Variants in SLC1A6 observed in about 807,000 individuals in gnomAD.
SLC1A6 encodes excitatory amino acid transporter 4.
A neutral mutation model predicts 42.1 loss-of-function variants in SLC1A6; 15 were observed. That is an observed-to-expected ratio of 0.36 (90% CI 0.24 to 0.55). The LOEUF (loss-of-function observed/expected upper bound fraction) is 0.55, where lower values mean the gene tolerates loss of function less well. Among genes scored for constraint, SLC1A6 ranks in the 20% least tolerant of loss-of-function variants. The pLI, the probability that SLC1A6 is intolerant of heterozygous loss-of-function variation, is 0.88. For missense variants in SLC1A6, 542 were observed against 772.5 expected, an observed-to-expected ratio of 0.70 and a Z score of 3.54; for synonymous variants, 317 against 319.7, an observed-to-expected ratio of 0.99 and a Z score of 0.09.
At chr19:15,004,592 C>A (rs963641478) in intron 1 of SLC1A6, among the ~76,000 whole-genome samples, 2 of 149,866 alleles carry the variant, frequency 1.3e-5, no homozygotes, top group African/African-American at 4.9e-5. Flanking sequence ...TCCAGCTATT[C>A]AGGAGGCTGA....
chr19:15,009,231 A>G (rs1395115486), intron 1 of SLC1A6, among the ~76,000 whole-genome samples: 1 of 134,494 alleles, frequency 7.4e-6, no homozygotes, highest in Non-Finnish European at 1.8e-5. Flanking sequence ...TCACATAGAT[A>G]TGCTATCTAA....
At chr19:14,993,274 G>A (rs1021020664) in intron 1 of SLC1A6, among the ~76,000 whole-genome samples, 2 of 151,940 alleles carry the variant, frequency 1.3e-5, no homozygotes, top group Non-Finnish European at 2.9e-5. Flanking sequence ...GGTTGCCCAG[G>A]GCTGGAGTCG....
chr19:14,996,528 T>TTTCTTCTTCTTCTTCTTCTTCTTCCTC (rs2045847077), intron 1 of SLC1A6, among the ~76,000 whole-genome samples: 1 of 125,854 alleles, frequency 7.9e-6, no homozygotes, highest in Non-Finnish European at 1.7e-5. Context: ...CCTCCTCCTC[T>TTTCTTCTTCTTCTTCTTCTTCTTCCTC]TTCTTCTTCT....
At chr19:14,995,257 G>A (rs1281569401) in intron 1 of SLC1A6, among the ~76,000 whole-genome samples, 3 of 146,126 alleles carry the variant, frequency 2.1e-5, no homozygotes, top group East Asian at 2.0e-4. Flanking sequence ...CCCTGGAGGT[G>A]GAGGTTGCAG....
chr19:14,952,984 C>A lies in SLC1A6; in HGVS notation c.1443G>T (p.Thr481=), dbSNP rs186971391. The A allele has an allele frequency of 1.2e-6, 2 of 1,614,042 alleles. No individual in the cohort carries two copies. Among genetic ancestry groups the A allele is most frequent in the East Asian group, 4.5e-5 (2 of 44,860 alleles). ...AGLVTMVIVL[T]SVGLPTEDIT... ...TGTCTTCCGTGGGCAAGCCGACCGACGTAAGCACAATGACCATGGTGACCA... is the reference window on the plus strand; with the variant it reads ...TGTCTTCCGTGGGCAAGCCGACCGAAGTAAGCACAATGACCATGGTGACCA... The change falls in exon 9 of 10, where the codon ACG becomes ACT. Residue 481 remains threonine (T), a synonymous_variant. Transcript: ENST00000594383.
intron 1 of SLC1A6, among the ~76,000 whole-genome samples, chr19:14,986,171 C>G (rs1013091190): frequency 6.6e-6 from 1 of 150,632 alleles, no homozygotes. Flanking sequence ...TTTATCCATA[C>G]TTCCCGTTGC....
At chr19:15,007,410 G>A (rs893768132) in intron 1 of SLC1A6, among the ~76,000 whole-genome samples, 1 of 152,186 alleles carries the variant, frequency 6.6e-6, no homozygotes, top group Non-Finnish European at 1.5e-5. Context: ...GTGAGCGCTC[G>A]TGGGGATGAG....
intron 1 of SLC1A6, among the ~76,000 whole-genome samples, chr19:14,985,368 T>A (rs1600027833): frequency 6.6e-6 from 1 of 151,774 alleles, no homozygotes; most frequent in Admixed American, 6.6e-5. Context: ...GTCACGGGGG[T>A]GGATTTTTTG....
chr19:14,955,641 A>G (rs2045455511), intron 7 of SLC1A6, among the ~76,000 whole-genome samples: 1 of 150,652 alleles, frequency 6.6e-6, no homozygotes, highest in African/African-American at 2.4e-5. Flanking sequence ...AAAAGAAAAA[A>G]AAGATATTTT....
rs968985855 is a variant in SLC1A6 at position 14,953,222 on chromosome 19, G to A, written c.1365-160C>T. ...AGAGAAAAATACTGCTTGATGCCTC[G>A]CCTCGCCTCGCCTCACCTCGATCCC... On this transcript the variant is annotated intron_variant, in intron 8 of 9. Coordinates refer to ENST00000594383, the MANE Select transcript of SLC1A6 (RefSeq NM_005071.3). Among the ~76,000 whole-genome samples, 11 of 149,748 alleles carry A rather than the reference G, an allele frequency of 7.3e-5. 1 individual carries two copies. The highest frequency in any genetic ancestry group is 4.3e-4 in the South Asian group (2 of 4,652).
intron 1 of SLC1A6, among the ~76,000 whole-genome samples, chr19:14,987,979 C>T (rs2145229653): frequency 6.6e-6 from 1 of 152,298 alleles, no homozygotes; most frequent in East Asian, 1.9e-4. Flanking sequence ...CTGCCTCAGC[C>T]TCCCAAGTAG....
At chr19:14,957,286 A>G (rs185879455) in intron 6 of SLC1A6, among the ~76,000 whole-genome samples, 2 of 152,294 alleles carry the variant, frequency 1.3e-5, no homozygotes, top group Admixed American at 6.5e-5. Flanking sequence ...ACTGAGTACC[A>G]GGCACATGGC....
intron 1 of SLC1A6, among the ~76,000 whole-genome samples, chr19:14,999,763 AC>A (rs1269729831): frequency 2.0e-4 from 30 of 152,338 alleles, no homozygotes; most frequent in African/African-American, 7.2e-4. Flanking sequence ...GAGTAGCCAC[AC>A]AATCATTCTT....
chr19:14,984,008 T>G (rs2045780878), upstream of SLC1A6, among the ~76,000 whole-genome samples: 1 of 152,116 alleles, frequency 6.6e-6, no homozygotes, highest in Admixed American at 6.6e-5. Flanking sequence ...GCTACTTCAG[T>G]GTTCAAAGCA....
rs147491469 is a variant in SLC1A6 at position 15,002,890 on chromosome 19, T to TTTTG, written c.6+7591_6+7594dup. Among the ~76,000 whole-genome samples, 450 of 151,948 alleles carry TTTTG rather than the reference T, an allele frequency of 3.0e-3. 4 individuals are homozygous for TTTTG. Among genetic ancestry groups the TTTTG allele is most frequent in the East Asian group, 0.017 (85 of 5,146 alleles). On this transcript the variant is annotated intron_variant, in intron 1 of 8. Transcript: ENST00000430939. ...TGATGATGGATGCCTGAGCCATTAT[T>TTTTG]TTTGTTTGTTTGTTTGTTTGTTTGT...
At chr19:14,989,866 C>T (rs1232813420) in intron 1 of SLC1A6, among the ~76,000 whole-genome samples, 1 of 151,718 alleles carries the variant, frequency 6.6e-6, no homozygotes, top group Admixed American at 6.6e-5. Context: ...GTGGTGCGCA[C>T]CTGTAATCCC....
intron 1 of SLC1A6, among the ~76,000 whole-genome samples, chr19:14,995,331 AAAAAAAAAAAAAAG>A (rs1388044828): frequency 1.2e-5 from 1 of 81,900 alleles, no homozygotes; most frequent in Non-Finnish European, 2.5e-5. Context: ...ATCTCCAAAA[AAAAAAAAAAAAAAG>A]AAAGAAAGAA....
At chr19:14,970,708 C>T (rs1205495688) in intron 3 of SLC1A6, among the ~76,000 whole-genome samples, 1 of 143,182 alleles carries the variant, frequency 7.0e-6, no homozygotes, top group Non-Finnish European at 1.5e-5. Flanking sequence ...GACACTCTGT[C>T]TCAAAAAAAA....
intron 3 of SLC1A6, 23 bp downstream of exon 3, chr19:14,971,714 A>G (rs749172159): frequency 2.3e-5 from 37 of 1,612,842 alleles, no homozygotes; most frequent in Non-Finnish European, 3.0e-5. Context: ...CTTGGAGGCC[A>G]ACACTGGCCT....
Sources: allele counts gnomAD v4.1 joint callset (sites outside exome capture counted in the v4.1 genomes callset), GRCh38; gene constraint gnomAD v4.1.1; transcripts MANE v1.5; gene names NCBI Gene and HGNC (gene_info 2026-07-23, HGNC 2026-07-21).